The following FBXO31 variants were observed in gnomAD, a reference collection of about 807,000 sequenced individuals.
FBXO31 encodes F-box only protein 31.
FBXO31 carries 24 observed loss-of-function variants against 54.4 expected under a neutral mutation model. The ratio of observed to expected loss-of-function variants is 0.44; its 90% CI spans 0.32 to 0.62. The LOEUF is 0.62. FBXO31 is among the 20% of genes least tolerant of loss of function. FBXO31 has a pLI of 0.05. For missense variants in FBXO31, 665 were observed against 787.1 expected (o/e 0.84, Z 1.86); for synonymous variants, 388 against 335.6 (o/e 1.16, Z -1.71).
rs796421115 is a variant in FBXO31, at chr16:87,339,034, G to A, written c.733-2770C>T. On this transcript the variant is annotated intron_variant, in intron 5 of 8. Coordinates refer to ENST00000311635, the MANE Select transcript of FBXO31 (RefSeq NM_024735.5). ...TGCCGCCATGTAAGATGCGCCTTTC[G>A]CCTTCCACCATGATTTGAGGCCTCC... is the stretch of plus-strand genomic sequence containing the variant. Among the ~76,000 whole-genome samples, 26 of 152,218 alleles carry A rather than the reference G, an allele frequency of 1.7e-4. 1 individual carries two copies. The highest frequency in any genetic ancestry group is 4.6e-4 in the African/African-American group (19 of 41,536).
At chr16:87,365,041 C>A (rs1400263014) in intron 1 of FBXO31, among the ~76,000 whole-genome samples, 7 of 36,238 alleles carry the variant, frequency 1.9e-4, no homozygotes, top group Non-Finnish European at 3.0e-4. Flanking sequence ...ATATATATAT[C>A]AGGCAGGCCA....
intron 2 of FBXO31, among the ~76,000 whole-genome samples, chr16:87,351,118 G>A (rs959669364): frequency 5.3e-5 from 8 of 152,214 alleles, no homozygotes; most frequent in African/African-American, 1.7e-4. Context: ...AGGGGACACA[G>A]ACTTCCTCGT....
At chr16:87,356,309 C>A (rs572121481) in intron 2 of FBXO31, among the ~76,000 whole-genome samples, 1 of 152,216 alleles carries the variant, frequency 6.6e-6, no homozygotes, top group East Asian at 1.9e-4. Context: ...CTGTTGTCAA[C>A]GCTCACTAAG....
Position 87,334,350 on chromosome 16 carries a change from C to T in FBXO31, c.997-64G>A, listed in dbSNP as rs369625886. On this transcript the variant is annotated intron_variant, in intron 7 of 8. Coordinates refer to ENST00000311635, the MANE Select transcript of FBXO31 (RefSeq NM_024735.5). ...AGCAGCAGCAGTACCACTGTGTGGG[C>T]TCCAGCCCAGATCCACCTCTGGCTG... 64 of 1,453,856 alleles carry T rather than the reference C, an allele frequency of 4.4e-5. No individual in the cohort carries two copies. The African/African-American group carries it at 5.6e-4, about 13-fold the overall frequency. 90.1% of individuals were successfully genotyped at this position (1,453,856 alleles called of 1,614,324 possible).
At position 87,336,622 on chromosome 16, in the gene FBXO31, CAG is replaced by C. The variant is rs992086454; in HGVS notation, c.733-360_733-359del. On this transcript the variant is annotated intron_variant, in intron 5 of 8. Coordinates refer to ENST00000311635, the MANE Select transcript of FBXO31 (RefSeq NM_024735.5). The surrounding 1 kb of genome is among the most constrained non-coding windows in gnomAD (Gnocchi z 6.5). ...CGGTGGGGCAGGAACAGCATCTACA[CAG>C]ACTCTGGCCCTGCACAGCACAGCCC... is the stretch of plus-strand genomic sequence containing the variant. Among the ~76,000 whole-genome samples, 8 of 152,138 alleles carry C rather than the reference CAG, an allele frequency of 5.3e-5. No homozygotes were observed. The highest frequency in any genetic ancestry group is 5.2e-4 in the Admixed American group (8 of 15,282).
chr16:87,383,336 C>T lies in FBXO31; in HGVS notation c.340+69G>A, dbSNP rs1907168279. The T allele has an allele frequency of 7.3e-7, 1 of 1,367,584 alleles. No homozygotes were observed. Among genetic ancestry groups the T allele is most frequent in the South Asian group, 1.4e-5 (1 of 73,462 alleles). The allele number at this position is 1,367,584 out of a possible 1,614,324, so 84.7% of individuals were successfully genotyped here. A position where few individuals can be genotyped will look rare whatever the true frequency, so the allele number is the denominator to read the frequency against. On this transcript the variant is annotated intron_variant, in intron 1 of 8. Transcript: ENST00000311635. The surrounding 1 kb of genome is among the most constrained non-coding windows in gnomAD (Gnocchi z 4.9). ...GCCGGGGCCACCGCCCCCGCCACTC[C>T]CAGCTCCGAGGCCTCCACCTGGCAG...
At chr16:87,366,723 A>G (rs906725397) in intron 1 of FBXO31, among the ~76,000 whole-genome samples, 1 of 152,226 alleles carries the variant, frequency 6.6e-6, no homozygotes, top group Admixed American at 6.5e-5. Context: ...CAACAGGATC[A>G]TCCACGATGG....
chr16:87,343,739 C>A lies in FBXO31; in HGVS notation c.516G>T (p.Trp172Cys), dbSNP rs1905267441. 1.2e-6 allele frequency: 2 copies of A among 1,614,220 alleles called. No homozygotes were observed. The highest frequency in any genetic ancestry group is 2.7e-5 in the African/African-American group (2 of 75,058). ...GGGGGTCATGGGGAGGCAGGTACAT[C>A]CACCCGATGATGAACAGGCCGTCCA... ...VVVDGLFIIG[W>C]MYLPPHDPHV... The change falls in exon 4 of 9, where the codon TGG becomes TGT. Residue 172 changes from tryptophan (W) to cysteine (C), a missense_variant. By Grantham distance (215) the Trp-to-Cys change is radical. This residue lies in a region of FBXO31 where 234 missense variants were observed against 346.8 expected (regional missense o/e 0.67). Coordinates refer to ENST00000311635, the MANE Select transcript of FBXO31 (RefSeq NM_024735.5).
intron 1 of FBXO31, among the ~76,000 whole-genome samples, chr16:87,374,049 G>A (rs1198383148): frequency 4.6e-5 from 7 of 152,012 alleles, no homozygotes; most frequent in South Asian, 2.1e-4. Context: ...AGACCAGCCC[G>A]GGCAACACTG....
chr16:87,355,897 G>A (rs1409023019), intron 2 of FBXO31, among the ~76,000 whole-genome samples: 3 of 152,188 alleles, frequency 2.0e-5, no homozygotes, highest in African/African-American at 4.8e-5. Flanking sequence ...AGGCTGGTCA[G>A]AATTCCATCC....
chr16:87,355,587 A>T (rs1430981287), intron 2 of FBXO31, among the ~76,000 whole-genome samples: 1 of 152,218 alleles, frequency 6.6e-6, no homozygotes, highest in Non-Finnish European at 1.5e-5. Context: ...AAATTTTTCA[A>T]GTTTTCTACA....
intron 3 of FBXO31, 73 bp from the exon 4 acceptor site, chr16:87,343,838 C>G (rs549227763): frequency 6.5e-7 from 1 of 1,542,176 alleles, no homozygotes; most frequent in Non-Finnish European, 8.9e-7. Context: ...CACGGCTCCC[C>G]GCACTGCAAT....
Position 87,347,338 on chromosome 16 carries a change from T to C in FBXO31, c.413-88A>G, listed in dbSNP as rs978439455. On this transcript the variant is annotated intron_variant, in intron 2 of 8. Transcript: ENST00000311635. Reference sequence around the variant, plus strand: ...AACCCCGAGAGGGAGGAAGGAACCATGAGGACTCACAAAAGGCTTGCAAGA... The same window carrying C: ...AACCCCGAGAGGGAGGAAGGAACCACGAGGACTCACAAAAGGCTTGCAAGA... The C allele has an allele frequency of 9.0e-6, 10 of 1,115,446 alleles. No homozygotes were observed. The Admixed American group carries it at 1.7e-4, about 19-fold the overall frequency. The allele number at this position is 1,115,446 out of a possible 1,614,324, so 69.1% of individuals were successfully genotyped here. A position where few individuals can be genotyped will look rare whatever the true frequency, so the allele number is the denominator to read the frequency against.
chr16:87,378,945 A>G (rs4843606), intron 1 of FBXO31, among the ~76,000 whole-genome samples: 144,128 of 146,614 alleles, frequency 0.98, 70,899 homozygotes, highest in East Asian at 1. Flanking sequence ...CAGGGCGACA[A>G]AGCAAGACTC....
At chr16:87,373,173 C>A (rs1328920221) in intron 1 of FBXO31, among the ~76,000 whole-genome samples, 1 of 151,966 alleles carries the variant, frequency 6.6e-6, no homozygotes, top group Non-Finnish European at 1.5e-5. Context: ...TGAAGCTGGC[C>A]GGGCACAGTG....
Position 87,331,214 on chromosome 16 carries a change from ATGC to A in FBXO31, c.*71_*73del. The A allele has an allele frequency of 6.8e-7, 1 of 1,480,492 alleles. No homozygotes were observed. Among genetic ancestry groups the A allele is most frequent in the Non-Finnish European group, 9.3e-7 (1 of 1,069,582 alleles). 91.7% of individuals were successfully genotyped at this position (1,480,492 alleles called of 1,614,324 possible). Reference sequence around the variant, plus strand: ...TCAAAAGGCCGGATTTCCAAAGTGCATGCTGCTTCTATTCACAGGTCAGAGTTC... The same window carrying A: ...TCAAAAGGCCGGATTTCCAAAGTGCATGCTTCTATTCACAGGTCAGAGTTC... On this transcript the variant is annotated 3_prime_UTR_variant, in exon 9 of 9. Coordinates refer to ENST00000311635, the MANE Select transcript of FBXO31 (RefSeq NM_024735.5).
Position 87,343,102 on chromosome 16 carries a change from C to T in FBXO31, c.658-151G>A, listed in dbSNP as rs990055106. 32 of 627,836 alleles carry T rather than the reference C, an allele frequency of 5.1e-5. No individual in the cohort carries two copies. In the African/African-American group the frequency reaches 5.5e-4, roughly 11 times the overall value. The allele number at this position is 627,836 out of a possible 1,614,324, so 38.9% of individuals were successfully genotyped here. A position where few individuals can be genotyped will look rare whatever the true frequency, so the allele number is the denominator to read the frequency against. ...CAAGATGCGACCAACGCGGTGCCAG[C>T]GGAGGGAGCTGAGTCTCCCTGAGCA... On this transcript the variant is annotated intron_variant, in intron 4 of 8. Transcript: ENST00000311635.
At chr16:87,390,205 C>G (rs955663435), upstream of FBXO31, among the ~76,000 whole-genome samples, 12 of 152,002 alleles carry the variant, frequency 7.9e-5, no homozygotes, top group Non-Finnish European at 1.8e-4. Context: ...CACCTGAACC[C>G]GGGAGGTGGA....
intron 1 of FBXO31, among the ~76,000 whole-genome samples, chr16:87,376,264 C>CT (rs1252672913): frequency 6.6e-6 from 1 of 151,746 alleles, no homozygotes; most frequent in African/African-American, 2.4e-5. Context: ...ACTCAATTTT[C>CT]TTTTTTTCTT....
Sources: allele counts gnomAD v4.1 joint callset (sites outside exome capture counted in the v4.1 genomes callset), GRCh38; gene constraint gnomAD v4.1.1; regional missense constraint gnomAD v4.1.1; non-coding constraint Gnocchi (gnomAD v3.1); transcripts MANE v1.5; gene names NCBI Gene and HGNC (gene_info 2026-07-23, HGNC 2026-07-21).